REPS1: variants seen among roughly 807,000 people sequenced by gnomAD.
REPS1 encodes the protein RALBP1 associated Eps domain containing 1, also known as ralBP1-associated Eps domain-containing protein 1.
REPS1 carries 39 observed loss-of-function variants against 100.9 expected under a neutral mutation model. The observed-to-expected ratio is 0.39, with a 90% CI of 0.30 to 0.50. The LOEUF (loss-of-function observed/expected upper bound fraction) is 0.50. Among genes scored for constraint, REPS1 ranks in the 20% least tolerant of loss-of-function variants. The pLI is 0.86. For missense variants in REPS1, 821 were observed against 968.5 expected, an observed-to-expected ratio of 0.85 and a Z score of 2.02; for synonymous variants, 324 against 340.3, an observed-to-expected ratio of 0.95 and a Z score of 0.53.
intron 5 of REPS1, 63 bp downstream of exon 5, chr6:138,944,432 AAAC>A (rs923490507): frequency 4.9e-5 from 75 of 1,530,916 alleles, no homozygotes; most frequent in African/African-American, 4.5e-4. Context: ...CAAAATATAA[AAAC>A]AACGACTGGA....
chr6:138,949,200 A>C (rs1782834846), intron 1 of REPS1, among the ~76,000 whole-genome samples: 1 of 152,210 alleles, frequency 6.6e-6, no homozygotes, highest in Non-Finnish European at 1.5e-5. Flanking sequence ...GACAGAGGGA[A>C]GACCTAAAAG....
chr6:138,975,510 G>A (rs1029668090), intron 1 of REPS1, among the ~76,000 whole-genome samples: 5 of 152,160 alleles, frequency 3.3e-5, no homozygotes, highest in Non-Finnish European at 4.4e-5. Flanking sequence ...TTCTTCTATA[G>A]AGCAGAGCTT....
At chr6:138,945,158 C>T (rs768246104) in intron 4 of REPS1, 61 bp downstream of exon 4, 11 of 1,429,938 alleles carry the variant, frequency 7.7e-6, no homozygotes, top group Non-Finnish European at 1.0e-5. Flanking sequence ...CATTTGAACC[C>T]AGGAGTGCAA....
chr6:138,904,999 T>C lies in REPS1; in HGVS notation c.*65A>G. ...AAGCAGTGAGCTGAATGTCTAGGTC[T>C]CCAAATTGGCTTTGAACCCAAAACC... On this transcript the variant is annotated 3_prime_UTR_variant, in exon 20 of 20. Coordinates refer to ENST00000450536, the MANE Select transcript of REPS1 (RefSeq NM_001286611.2). The C allele has an allele frequency of 7.3e-7, 1 of 1,372,678 alleles. No individual in the cohort carries two copies. The highest frequency in any genetic ancestry group is 1.0e-6 in the Non-Finnish European group (1 of 963,450). The allele number at this position is 1,372,678 out of a possible 1,614,324, so 85.0% of individuals were successfully genotyped here.
At chr6:138,972,723 G>A (rs1356719175) in intron 1 of REPS1, among the ~76,000 whole-genome samples, 1 of 151,042 alleles carries the variant, frequency 6.6e-6, no homozygotes, top group Non-Finnish European at 1.5e-5. Context: ...CAGCCTTGAA[G>A]TAACGATTGC....
At chr6:138,981,419 A>G (rs917464678) in intron 1 of REPS1, among the ~76,000 whole-genome samples, 3 of 152,240 alleles carry the variant, frequency 2.0e-5, no homozygotes, top group African/African-American at 7.2e-5. Flanking sequence ...GAAAGGCTAC[A>G]GAAAATAAAA....
intron 1 of REPS1, among the ~76,000 whole-genome samples, chr6:138,981,020 T>C (rs1246393923): frequency 6.6e-6 from 1 of 152,244 alleles, no homozygotes; most frequent in Non-Finnish European, 1.5e-5. Context: ...CAGCCTGCTC[T>C]TCCTTAAAAC....
At chr6:138,928,226 T>C (rs1311695584) in intron 9 of REPS1, 1 of 152,158 alleles carries the variant, frequency 6.6e-6, no homozygotes, top group Non-Finnish European at 1.5e-5. Flanking sequence ...GGAGTTAATA[T>C]ATATAAAGAG....
At chr6:138,921,646 G>A (rs909009283) in intron 10 of REPS1, among the ~76,000 whole-genome samples, 1 of 132,530 alleles carries the variant, frequency 7.5e-6, no homozygotes, top group South Asian at 2.6e-4. Context: ...GCGTGATCTT[G>A]GCTCACTGCA....
chr6:138,931,345 C>T (rs1034256019), intron 8 of REPS1, among the ~76,000 whole-genome samples: 11 of 152,130 alleles, frequency 7.2e-5, no homozygotes, highest in Non-Finnish European at 1.3e-4. Context: ...GAATCAGTTG[C>T]CTTGTGTATT....
rs138933907 is a variant in REPS1, at chr6:138,962,000, A to G, written c.154-14087T>C. 3.8e-4 allele frequency among the ~76,000 whole-genome samples: 58 copies of G among 152,246 alleles called. No individual in the cohort carries two copies. In the East Asian group the frequency reaches 9.8e-3, roughly 26 times the overall value. On this transcript the variant is annotated intron_variant, in intron 1 of 19. Transcript: ENST00000450536. ...ACTTGCCTAATGACACCATGAAGAG[A>G]TTTTTCTAAAGTTGGATACACGGAA...
chr6:138,921,331 TA>T (rs564958834), intron 10 of REPS1, among the ~76,000 whole-genome samples: 2,929 of 143,560 alleles, frequency 0.02, 80 homozygotes, highest in African/African-American at 0.067. Context: ...TCTGCTTAAT[TA>T]AAAAAAAAAA....
chr6:138,973,717 AAT>A (rs776981639), intron 1 of REPS1, among the ~76,000 whole-genome samples: 1 of 151,956 alleles, frequency 6.6e-6, no homozygotes, highest in Non-Finnish European at 1.5e-5. Context: ...TCATTTTAAA[AAT>A]AGAGATAATA....
Position 138,945,562 on chromosome 6 carries a change from T to G in REPS1, c.413A>C (p.Gln138Pro). The G allele has an allele frequency of 2.5e-6, 4 of 1,613,140 alleles. No individual in the cohort carries two copies. The highest frequency in any genetic ancestry group is 2.2e-5 in the East Asian group (1 of 44,860). ...ATGGCTTACGGATCCCTTTTTCACTTGCCCCCTGCCAGGTGGTGGGGGAAT... is the reference window on the plus strand; with the variant it reads ...ATGGCTTACGGATCCCTTTTTCACTGGCCCCCTGCCAGGTGGTGGGGGAAT... ...GVIPPPPGRG[Q>P]VKKGSVSHDT... The change falls in exon 3 of 20, where the codon CAA (glutamine) becomes CCA (proline). Residue 138 changes from glutamine to proline, a missense_variant. This residue lies in a region of REPS1 where 757 missense variants were observed against 866.4 expected (regional missense o/e 0.87). Transcript: ENST00000450536.
intron 7 of REPS1, among the ~76,000 whole-genome samples, chr6:138,942,700 C>T (rs1401366715): frequency 2.0e-5 from 3 of 152,048 alleles, no homozygotes; most frequent in Non-Finnish European, 4.4e-5. Context: ...CCTTGGCTTC[C>T]CAAAGTGCTG....
intron 1 of REPS1, among the ~76,000 whole-genome samples, chr6:138,949,727 TAAA>T (rs56804604): frequency 6.7e-6 from 1 of 149,090 alleles, no homozygotes; most frequent in African/African-American, 2.5e-5. Context: ...CTCCATCTCA[TAAA>T]AAAAAAAAAG....
intron 1 of REPS1, among the ~76,000 whole-genome samples, chr6:138,968,178 G>A (rs184833606): frequency 6.6e-6 from 1 of 152,122 alleles, no homozygotes; most frequent in African/African-American, 2.4e-5. Flanking sequence ...TCAAATCATT[G>A]TAAGTCAGGG....
intron 1 of REPS1, among the ~76,000 whole-genome samples, chr6:138,949,629 G>C (rs1481488975): frequency 6.6e-6 from 1 of 152,032 alleles, no homozygotes; most frequent in African/African-American, 2.4e-5. Flanking sequence ...GGGGGGCTGA[G>C]GTGAGAGGAT....
At chr6:138,940,695 G>A (rs1055922966) in intron 8 of REPS1, among the ~76,000 whole-genome samples, 13 of 151,090 alleles carry the variant, frequency 8.6e-5, no homozygotes, top group Non-Finnish European at 1.0e-4. Context: ...GCAGTGAGCC[G>A]AGATCGTGCC....
Sources: gnomAD v4.1 joint callset for allele counts (sites outside exome capture counted in the v4.1 genomes callset) on GRCh38, gnomAD v4.1.1 for gene constraint, gnomAD v4.1.1 regional missense constraint, MANE v1.5 for transcripts, NCBI Gene and HGNC (gene_info 2026-07-23, HGNC 2026-07-21) for gene names.